Variants in SYBU observed in about 807,000 individuals in gnomAD.
SYBU encodes GOLSYN A protein.
In SYBU, 21 loss-of-function variants were observed where a neutral mutation model predicts 35.9. The observed-to-expected ratio is 0.58, with a 90% CI of 0.41 to 0.84. SYBU has a LOEUF of 0.84. SYBU is among the 40% of genes least tolerant of loss of function. The pLI, the probability that SYBU is intolerant of heterozygous loss-of-function variation, is 0.00. For missense variants in SYBU, 768 were observed against 848.2 expected, an observed-to-expected ratio of 0.91 and a Z score of 1.17; for synonymous variants, 319 against 324.3, an observed-to-expected ratio of 0.98 and a Z score of 0.18.
chr8:109,575,195 ACTT>A lies in SYBU; in HGVS notation c.1700_1702del (p.Glu567del). 1.9e-6 allele frequency: 3 copies of A among 1,614,222 alleles called. No individual in the cohort carries two copies. Among genetic ancestry groups the A allele is most frequent in the Non-Finnish European group, 2.5e-6 (3 of 1,180,036 alleles). Reference sequence around the variant, plus strand: ...CTCTCTCATGAGGCGGTTTGCATGAACTTCTGCATCCACATTGGCGTAGGGGGT... The same window carrying A: ...CTCTCTCATGAGGCGGTTTGCATGAACTGCATCCACATTGGCGTAGGGGGT... On this transcript the variant is annotated inframe_deletion, in exon 7 of 7. Transcript: ENST00000276646.
chr8:109,650,495 A>C (rs761322453), intron 1 of SYBU, among the ~76,000 whole-genome samples: 19 of 152,206 alleles, frequency 1.2e-4, no homozygotes, highest in Non-Finnish European at 2.1e-4. Context: ...CAGCTACAGC[A>C]GGGAATGGTT....
chr8:109,644,656 C>G lies in SYBU; in HGVS notation c.4G>C (p.Gly2Arg). The G allele has an allele frequency of 6.6e-7, 1 of 1,525,818 alleles. No homozygotes were observed. The highest frequency in any genetic ancestry group is 8.7e-7 in the Non-Finnish European group (1 of 1,143,746). 94.5% of individuals were successfully genotyped at this position (1,525,818 alleles called of 1,614,324 possible). The part of the protein sequence containing the change: M[G>R]PLRESKKEHR... ...CTTACCTTGCTCTCGCGGAGGGGCC[C>G]CATCGCGCCGCTGCCCGCCGGCTCC... Residue 2 changes from glycine to arginine, a missense_variant, in exon 1 of 7, where the codon GGG (glycine) becomes CGG (arginine). Transcript: ENST00000276646.
chr8:109,596,702 TAG>T (rs779591219), intron 3 of SYBU, among the ~76,000 whole-genome samples: 6 of 152,210 alleles, frequency 3.9e-5, no homozygotes, highest in Non-Finnish European at 5.9e-5. Flanking sequence ...TACATAATAT[TAG>T]AGTGTGTGAT....
chr8:109,617,628 A>G (rs1811959726), intron 3 of SYBU, among the ~76,000 whole-genome samples: 1 of 152,176 alleles, frequency 6.6e-6, no homozygotes, highest in African/African-American at 2.4e-5. Context: ...AGGGTGCTCA[A>G]CACCCTTTGT....
chr8:109,627,076 A>G lies in SYBU; in HGVS notation c.230-8037T>C, dbSNP rs1813062263. Among the ~76,000 whole-genome samples the G allele has an allele frequency of 6.6e-5, 10 of 152,318 alleles. 1 individual carries two copies. The South Asian group carries it at 2.1e-3, about 32-fold the overall frequency. ...CTTAAAAACATTAATGGAGGAAAAT[A>G]TGATTTTGTGCCATAATGTCTTGAA... On this transcript the variant is annotated intron_variant, in intron 2 of 6. Transcript: ENST00000276646.
chr8:109,665,782 C>T (rs1816731054), intron 1 of SYBU, among the ~76,000 whole-genome samples: 1 of 152,208 alleles, frequency 6.6e-6, no homozygotes, highest in Non-Finnish European at 1.5e-5. Context: ...CCTGCTGGTA[C>T]AGTCTCTTCA....
chr8:109,575,416 G>A lies in SYBU; in HGVS notation c.1482C>T (p.Pro494=), dbSNP rs766748650. ...TGAGCTCTGAGATGGCTGGGCTGTA[G>A]GGCACCACGTCGGTCTGAACGGCTC... ...VERAVQTDVV[P]YSPAISELIQ... Residue 494 remains proline (P), a synonymous_variant, in exon 7 of 7, where the codon CCC becomes CCT. Transcript: ENST00000276646. The A allele has an allele frequency of 1.5e-5, 24 of 1,613,958 alleles. No individual in the cohort carries two copies. Among genetic ancestry groups the A allele is most frequent in the Non-Finnish European group, 1.9e-5 (23 of 1,180,018 alleles).
intron 4 of SYBU, among the ~76,000 whole-genome samples, chr8:109,585,223 C>T (rs745742086): frequency 9.2e-5 from 14 of 152,226 alleles, no homozygotes; most frequent in Non-Finnish European, 1.8e-4. Flanking sequence ...AATCCTGGGG[C>T]TTACAGTCCC....
intron 1 of SYBU, among the ~76,000 whole-genome samples, chr8:109,671,693 A>T (rs1426782120): frequency 6.6e-6 from 1 of 152,232 alleles, no homozygotes; most frequent in African/African-American, 2.4e-5. Context: ...GGTAGGGTTC[A>T]TATCATTTAT....
At chr8:109,624,355 A>G (rs1481224427) in intron 2 of SYBU, among the ~76,000 whole-genome samples, 1 of 152,228 alleles carries the variant, frequency 6.6e-6, no homozygotes, top group East Asian at 1.9e-4. Flanking sequence ...GTTCCTATAT[A>G]AACTGTATCT....
intron 3 of SYBU, among the ~76,000 whole-genome samples, chr8:109,610,109 A>G (rs763366230): frequency 2.0e-5 from 3 of 152,162 alleles, no homozygotes; most frequent in South Asian, 2.1e-4. Flanking sequence ...ACCCTCCTTA[A>G]GCACGGAACA....
intron 2 of SYBU, among the ~76,000 whole-genome samples, chr8:109,638,056 A>G (rs191293801): frequency 6.6e-6 from 1 of 152,342 alleles, no homozygotes; most frequent in East Asian, 1.9e-4. Context: ...TGTGCACATT[A>G]GAAACATGAA....
At chr8:109,608,211 G>C (rs1275853762) in intron 3 of SYBU, 1 of 421,768 alleles carries the variant, frequency 2.4e-6, no homozygotes, top group Non-Finnish European at 4.2e-6. Flanking sequence ...CTCATGAATG[G>C]ACACAAAGGA....
At position 109,644,298 on chromosome 8, in the gene SYBU, C is replaced by T. The variant is rs1815325957; in HGVS notation, c.24+338G>A. 1.9e-5 allele frequency: 10 copies of T among 534,726 alleles called. No homozygotes were observed. In the Admixed American group the frequency reaches 2.3e-4, roughly 12 times the overall value. The allele number at this position is 534,726 out of a possible 1,614,324, so 33.1% of individuals were successfully genotyped here. ...GCAGGGTCACTGACACGCGGGAGTCCTCTTTTCCCAGTCGCGGATGCATCA... is the reference window on the plus strand; with the variant it reads ...GCAGGGTCACTGACACGCGGGAGTCTTCTTTTCCCAGTCGCGGATGCATCA... On this transcript the variant is annotated intron_variant, in intron 1 of 6. Transcript: ENST00000276646.
intron 6 of SYBU, 35 bp from the exon 7 acceptor site, chr8:109,576,048 A>G (rs780286285): frequency 2.4e-6 from 3 of 1,275,948 alleles, no homozygotes; most frequent in South Asian, 1.8e-5. Flanking sequence ...TAATTAAAAA[A>G]AAAAAAAAAA....
intron 2 of SYBU, among the ~76,000 whole-genome samples, chr8:109,640,981 C>T (rs1814810288): frequency 6.6e-6 from 1 of 152,102 alleles, no homozygotes; most frequent in African/African-American, 2.4e-5. Context: ...ATGTTAGGTC[C>T]TGCTAAATTA....
intron 1 of SYBU, among the ~76,000 whole-genome samples, chr8:109,656,821 T>C (rs1362082206): frequency 6.6e-6 from 1 of 152,164 alleles, no homozygotes; most frequent in Non-Finnish European, 1.5e-5. Flanking sequence ...TATATGGCCA[T>C]GGAGAATAAA....
At chr8:109,681,052 G>A (rs1409566926), upstream of SYBU, 1 of 152,188 alleles carries the variant, frequency 6.6e-6, no homozygotes, top group Non-Finnish European at 1.5e-5. Context: ...CTAGTAAAAC[G>A]AGCAACACGA....
intron 4 of SYBU, chr8:109,585,799 A>C: frequency 2.1e-6 from 1 of 477,266 alleles, no homozygotes; most frequent in Non-Finnish European, 3.8e-6. Flanking sequence ...GAAAGAGAGA[A>C]GGGACAGGAG....
Sources: allele counts gnomAD v4.1 joint callset (sites outside exome capture counted in the v4.1 genomes callset), GRCh38; gene constraint gnomAD v4.1.1; transcripts MANE v1.5; gene names NCBI Gene and HGNC (gene_info 2026-07-23, HGNC 2026-07-21).